CDH12: variants seen among roughly 807,000 people sequenced by gnomAD.
The protein encoded by CDH12 is cadherin 12.
A neutral mutation model predicts 74.1 loss-of-function variants in CDH12; 41 were observed. The ratio of observed to expected loss-of-function variants is 0.55; its 90% CI spans 0.43 to 0.72. The LOEUF (loss-of-function observed/expected upper bound fraction) is 0.72, where lower values mean the gene tolerates loss of function less well. Among genes scored for constraint, CDH12 ranks in the 30% least tolerant of loss-of-function variants. The pLI, the probability that CDH12 is intolerant of heterozygous loss-of-function variation, is 0.00. For missense variants in CDH12, 945 were observed against 977.2 expected (o/e 0.97, Z 0.44); for synonymous variants, 399 against 355.0 (o/e 1.12, Z -1.39).
At chr5:22,395,332 G>A (rs924311024) in intron 3 of CDH12, among the ~76,000 whole-genome samples, 4 of 152,078 alleles carry the variant, frequency 2.6e-5, no homozygotes, top group Admixed American at 6.6e-5. Context: ...ATAGGCAAGA[G>A]AAGCATTTTC....
intron 1 of CDH12, among the ~76,000 whole-genome samples, chr5:22,800,219 T>G (rs540666794): frequency 6.6e-6 from 1 of 152,142 alleles, no homozygotes. Flanking sequence ...TTGTCACTAG[T>G]GTGGGGCTAT....
chr5:22,411,743 TG>T (rs1743179624), intron 2 of CDH12, among the ~76,000 whole-genome samples: 1 of 151,992 alleles, frequency 6.6e-6, no homozygotes. Flanking sequence ...CAGCTTTAAT[TG>T]ATGTTACACT....
chr5:22,640,255 T>G (rs1739075731), intron 1 of CDH12, among the ~76,000 whole-genome samples: 1 of 152,210 alleles, frequency 6.6e-6, no homozygotes, highest in Non-Finnish European at 1.5e-5. Flanking sequence ...ACTTTTTTGC[T>G]TCAGCTCATG....
At chr5:22,713,359 T>C (rs889682046) in intron 1 of CDH12, among the ~76,000 whole-genome samples, 10 of 151,942 alleles carry the variant, frequency 6.6e-5, no homozygotes, top group South Asian at 2.1e-4. Context: ...GCCAGGATGG[T>C]CTCAATCTCT....
intron 8 of CDH12, among the ~76,000 whole-genome samples, chr5:21,827,764 G>A (rs2149961604): frequency 6.6e-6 from 1 of 152,154 alleles, no homozygotes; most frequent in East Asian, 1.9e-4. Context: ...ATTCTCCAAA[G>A]TATGTATTTT....
intron 5 of CDH12, among the ~76,000 whole-genome samples, chr5:22,049,294 A>C (rs1740183127): frequency 6.6e-6 from 1 of 152,094 alleles, no homozygotes; most frequent in South Asian, 2.1e-4. Flanking sequence ...ATTTCTATTG[A>C]TTGAGTTTTA....
At chr5:22,720,601 G>T (rs1561601692) in intron 1 of CDH12, among the ~76,000 whole-genome samples, 1 of 152,256 alleles carries the variant, frequency 6.6e-6, no homozygotes, top group Admixed American at 6.5e-5. Flanking sequence ...CTCAGAAAAA[G>T]ACAGAAAGAT....
chr5:22,113,394 C>A (rs1744923462), intron 4 of CDH12, among the ~76,000 whole-genome samples: 1 of 152,082 alleles, frequency 6.6e-6, no homozygotes, highest in Non-Finnish European at 1.5e-5. Flanking sequence ...GGGCAGCCAT[C>A]AGAAGAATCT....
At chr5:21,862,313 T>G in intron 6 of CDH12, among the ~76,000 whole-genome samples, 1 of 152,278 alleles carries the variant, frequency 6.6e-6, no homozygotes, top group South Asian at 2.1e-4. Flanking sequence ...TAATTAAGAC[T>G]AATAATATAA....
At chr5:22,792,232 G>T (rs771493645) in intron 1 of CDH12, among the ~76,000 whole-genome samples, 1 of 151,786 alleles carries the variant, frequency 6.6e-6, no homozygotes, top group Non-Finnish European at 1.5e-5. Flanking sequence ...GGGATTACAG[G>T]TGCCCGCCAT....
At chr5:21,985,762 C>T (rs1301612941) in intron 5 of CDH12, among the ~76,000 whole-genome samples, 2 of 152,068 alleles carry the variant, frequency 1.3e-5, no homozygotes, top group African/African-American at 4.8e-5. Context: ...CAAGCTAATA[C>T]TTATTCTGAG....
chr5:22,463,558 C>A (rs1171652314), intron 2 of CDH12, among the ~76,000 whole-genome samples: 1 of 152,042 alleles, frequency 6.6e-6, no homozygotes, highest in Non-Finnish European at 1.5e-5. Flanking sequence ...AATAAATTAA[C>A]AAATAAAAGA....
In CDH12 at chr5:22,247,559, C is replaced by T. The variant is rs549584421; in HGVS notation, c.-332-34916G>A. ...GCATGGTGGCGCGTGCCTGTAGTCC[C>T]AGCTGCAGGAGAGGCTGAGGCAGGA... On this transcript the variant is annotated intron_variant, in intron 3 of 14. Transcript: ENST00000382254. Among the ~76,000 whole-genome samples the T allele has an allele frequency of 1.4e-4, 22 of 152,138 alleles. No individual in the cohort carries two copies. In the South Asian group the frequency reaches 4.6e-3, roughly 32 times the overall value.
chr5:22,012,389 ATAAGT>A (rs1737354466), intron 5 of CDH12, among the ~76,000 whole-genome samples: 1 of 152,172 alleles, frequency 6.6e-6, no homozygotes, highest in African/African-American at 2.4e-5. Flanking sequence ...GAGAAAAATG[ATAAGT>A]TAATATAATT....
intron 1 of CDH12, among the ~76,000 whole-genome samples, chr5:22,809,223 T>C (rs1748991080): frequency 6.6e-6 from 1 of 152,092 alleles, no homozygotes; most frequent in Non-Finnish European, 1.5e-5. Flanking sequence ...TTTTATTCAT[T>C]AAGGCATATA....
chr5:22,750,446 G>T (rs536705364), intron 1 of CDH12, among the ~76,000 whole-genome samples: 1 of 152,104 alleles, frequency 6.6e-6, no homozygotes, highest in Non-Finnish European at 1.5e-5. Context: ...CAATTAGAAA[G>T]CCATGGCAGT....
At position 21,807,001 on chromosome 5, in the gene CDH12, AG is replaced by A. The variant is rs1747465463; in HGVS notation, c.1003-4582del. Among the ~76,000 whole-genome samples the A allele has an allele frequency of 3.3e-5, 5 of 152,310 alleles. No homozygotes were observed. In the South Asian group the frequency reaches 1.0e-3, roughly 32 times the overall value. The stretch of plus-strand genomic sequence containing the variant: ...AGTGGCCTGAATTCTGCTAAAACAT[AG>A]GTAGTTTCTATAGTCTCTTACTGCT... On this transcript the variant is annotated intron_variant, in intron 9 of 14. Transcript: ENST00000382254.
intron 1 of CDH12, among the ~76,000 whole-genome samples, chr5:22,506,605 CT>C (rs774274526): frequency 6.3e-4 from 94 of 150,246 alleles, no homozygotes; most frequent in East Asian, 3.1e-3. Context: ...TAGACTCAGC[CT>C]TTTTTTTTCA....
At chr5:22,152,962 A>T (rs866649813) in intron 4 of CDH12, among the ~76,000 whole-genome samples, 5 of 152,044 alleles carry the variant, frequency 3.3e-5, no homozygotes, top group Non-Finnish European at 5.9e-5. Flanking sequence ...AAGGTTTAAT[A>T]GTTTTCTATT....
Sources: gnomAD v4.1 joint callset for allele counts (sites outside exome capture counted in the v4.1 genomes callset) on GRCh38, gnomAD v4.1.1 for gene constraint, MANE v1.5 for transcripts, NCBI Gene and HGNC (gene_info 2026-07-23, HGNC 2026-07-21) for gene names.